Variants in GALNT13 observed in about 807,000 individuals in gnomAD.
GALNT13 encodes the protein UDP-GalNAc:polypeptide N-acetylgalactosaminyltransferase 13.
GALNT13 carries 28 observed loss-of-function variants against 64.2 expected under a neutral mutation model. The ratio of observed to expected loss-of-function variants is 0.44; its 90% CI spans 0.32 to 0.60. The LOEUF (loss-of-function observed/expected upper bound fraction) is 0.60, where lower values mean the gene tolerates loss of function less well. GALNT13 is among the 20% of genes least tolerant of loss of function. The pLI, the probability that GALNT13 is intolerant of heterozygous loss-of-function variation, is 0.05. For synonymous variants in GALNT13, 214 were observed against 224.6 expected (o/e 0.95, Z 0.42); for missense variants, 577 against 669.8 (o/e 0.86, Z 1.53).
chr2:153,401,866 T>C, the GALNT13 span, among the ~76,000 whole-genome samples: 1 of 152,206 alleles, frequency 6.6e-6, no homozygotes, highest in African/African-American at 2.4e-5. Context: ...CTGATGGGTC[T>C]TGACTTTTTA....
intron 9 of GALNT13, among the ~76,000 whole-genome samples, chr2:154,354,657 A>G (rs141432818): frequency 0.022 from 3,318 of 150,978 alleles, 129 homozygotes; most frequent in African/African-American, 0.076. Flanking sequence ...TTCTGCAAGC[A>G]CCGTTTATCG....
At chr2:153,305,952 CCA>C in the GALNT13 span, among the ~76,000 whole-genome samples, 1 of 152,166 alleles carries the variant, frequency 6.6e-6, no homozygotes, top group Non-Finnish European at 1.5e-5. Context: ...CCGTGTTCTC[CCA>C]CCCAGGAGGG....
At chr2:154,417,454 T>G (rs997954810) in intron 11 of GALNT13, among the ~76,000 whole-genome samples, 1 of 151,486 alleles carries the variant, frequency 6.6e-6, no homozygotes, top group African/African-American at 2.4e-5. Flanking sequence ...TAGCTTTGCC[T>G]TTTCTTAAAC....
chr2:153,707,377 T>G, the GALNT13 span, among the ~76,000 whole-genome samples: 3 of 152,166 alleles, frequency 2.0e-5, no homozygotes, highest in Admixed American at 6.6e-5. Flanking sequence ...CAAACCAACC[T>G]ATAGAGAATC....
At chr2:153,631,681 G>A in the GALNT13 span, among the ~76,000 whole-genome samples, 1 of 152,084 alleles carries the variant, frequency 6.6e-6, no homozygotes, top group South Asian at 2.1e-4. Flanking sequence ...AAATTTGTTT[G>A]AGTTCTTTGT....
chr2:153,983,501 T>A (rs896888132), intron 3 of GALNT13, among the ~76,000 whole-genome samples: 4 of 151,942 alleles, frequency 2.6e-5, no homozygotes, highest in Non-Finnish European at 4.4e-5. Context: ...TTCCTTTAAT[T>A]TTTGGGTTGG....
chr2:154,175,841 T>C (rs1015721884), intron 4 of GALNT13, among the ~76,000 whole-genome samples: 2 of 152,190 alleles, frequency 1.3e-5, no homozygotes, highest in African/African-American at 4.8e-5. Flanking sequence ...AATGTTCTTA[T>C]GAAAAATCTA....
At chr2:153,955,910 A>G (rs1405598703) in intron 3 of GALNT13, among the ~76,000 whole-genome samples, 1 of 152,164 alleles carries the variant, frequency 6.6e-6, no homozygotes, top group Admixed American at 6.5e-5. Flanking sequence ...GATGGACCCA[A>G]AGCAGGCAGC....
intron 3 of GALNT13, among the ~76,000 whole-genome samples, chr2:154,139,383 A>G (rs1683130171): frequency 6.6e-6 from 1 of 152,002 alleles, no homozygotes; most frequent in African/African-American, 2.4e-5. Context: ...TGCTGTGCCT[A>G]AATATGTGCC....
the GALNT13 span, among the ~76,000 whole-genome samples, chr2:153,848,948 A>C: frequency 6.8e-6 from 1 of 148,080 alleles, no homozygotes; most frequent in African/African-American, 2.5e-5. Flanking sequence ...TTTATAATAC[A>C]GCAAAATCTT....
the GALNT13 span, among the ~76,000 whole-genome samples, chr2:153,188,714 G>C: frequency 6.6e-6 from 1 of 152,132 alleles, no homozygotes; most frequent in Non-Finnish European, 1.5e-5. Context: ...AGAGAGGCCA[G>C]AATGATATAG....
chr2:153,107,742 A>G, the GALNT13 span, among the ~76,000 whole-genome samples: 21 of 152,270 alleles, frequency 1.4e-4, no homozygotes, highest in Non-Finnish European at 2.5e-4. Context: ...ATAGGTTTTC[A>G]TTTCCAAAAT....
intron 3 of GALNT13, among the ~76,000 whole-genome samples, chr2:153,971,914 T>A (rs749895063): frequency 6.6e-6 from 1 of 152,074 alleles, no homozygotes; most frequent in Non-Finnish European, 1.5e-5. Context: ...TGAGATGAGA[T>A]CATACACAAT....
At chr2:154,211,596 C>T (rs1687767078) in intron 4 of GALNT13, among the ~76,000 whole-genome samples, 1 of 128,030 alleles carries the variant, frequency 7.8e-6, no homozygotes, top group African/African-American at 3.0e-5. Context: ...CCATTGCACT[C>T]CAGCCTGGGC....
intron 4 of GALNT13, among the ~76,000 whole-genome samples, chr2:154,174,870 A>G (rs1685564525): frequency 6.6e-6 from 1 of 152,160 alleles, no homozygotes; most frequent in South Asian, 2.1e-4. Context: ...ATAATAATAA[A>G]CATTTTCAGT....
the GALNT13 span, among the ~76,000 whole-genome samples, chr2:153,605,831 A>T: frequency 4.2e-3 from 642 of 152,170 alleles, 4 homozygotes; most frequent in Non-Finnish European, 7.2e-3. Context: ...TCTGAGTTAA[A>T]CCACTTTGAA....
chr2:153,381,008 G>A, the GALNT13 span, among the ~76,000 whole-genome samples: 8 of 151,756 alleles, frequency 5.3e-5, no homozygotes, highest in South Asian at 6.3e-4. Flanking sequence ...GTGCAGTCAC[G>A]GCTCACTGCA....
intron 4 of GALNT13, among the ~76,000 whole-genome samples, chr2:154,234,833 G>C (rs1328395836): frequency 6.6e-6 from 1 of 151,998 alleles, no homozygotes; most frequent in East Asian, 1.9e-4. Context: ...GAGAGGCAGA[G>C]ATAAATAAGG....
At chr2:153,546,471 C>T in the GALNT13 span, among the ~76,000 whole-genome samples, 1 of 152,090 alleles carries the variant, frequency 6.6e-6, no homozygotes, top group Non-Finnish European at 1.5e-5. Flanking sequence ...GTATTTGAGA[C>T]ATTGGAGGCA....
Sources: gnomAD v4.1 joint callset for allele counts (sites outside exome capture counted in the v4.1 genomes callset) on GRCh38, gnomAD v4.1.1 for gene constraint, MANE v1.5 for transcripts, NCBI Gene and HGNC (gene_info 2026-07-23, HGNC 2026-07-21) for gene names.